The following DISC1 variants were observed in gnomAD, a reference collection of about 807,000 sequenced individuals.
The protein encoded by DISC1 is disrupted in schizophrenia 1 protein.
A neutral mutation model predicts 84.5 loss-of-function variants in DISC1; 57 were observed. The observed-to-expected ratio is 0.67, with a 90% confidence interval of 0.55 to 0.84. The LOEUF (loss-of-function observed/expected upper bound fraction) is 0.84, where lower values mean the gene tolerates loss of function less well. Ranked by LOEUF, DISC1 falls within the 40% of genes least tolerant of loss-of-function variation. The pLI, the probability that DISC1 is intolerant of heterozygous loss-of-function variation, is 0.00. For missense variants in DISC1, 1,000 were observed against 1,057.8 expected (o/e 0.95, Z 0.76); for synonymous variants, 411 against 415.2 (o/e 0.99, Z 0.12).
intron 9 of DISC1, among the ~76,000 whole-genome samples, chr1:231,861,448 A>G (rs1385322520): frequency 1.8e-5 from 2 of 108,222 alleles, no homozygotes; most frequent in African/African-American, 7.2e-5. Context: ...ATTGATTTTG[A>G]CAAGTTTTTT....
intron 3 of DISC1, among the ~76,000 whole-genome samples, chr1:231,743,678 T>TG (rs1301198002): frequency 6.6e-6 from 1 of 152,200 alleles, no homozygotes; most frequent in Non-Finnish European, 1.5e-5. Context: ...GTATTTTAAG[T>TG]GGGGTGTCTG....
intron 3 of DISC1, among the ~76,000 whole-genome samples, chr1:231,725,012 T>A (rs1173149992): frequency 6.6e-6 from 1 of 152,146 alleles, no homozygotes; most frequent in African/African-American, 2.4e-5. Context: ...ACAGGGTCAC[T>A]GTCTGTTTCC....
chr1:231,729,894 T>C (rs1436352109), intron 3 of DISC1, among the ~76,000 whole-genome samples: 1 of 152,200 alleles, frequency 6.6e-6, no homozygotes. Context: ...CACTGTGGTT[T>C]GAATTATATT....
At chr1:231,891,351 AGG>A (rs1176924733) in intron 9 of DISC1, among the ~76,000 whole-genome samples, 1 of 152,208 alleles carries the variant, frequency 6.6e-6, no homozygotes, top group Non-Finnish European at 1.5e-5. Context: ...TAGTGTTAAT[AGG>A]ATATTTGAGG....
In DISC1 at chr1:232,036,856, G is replaced by T; in HGVS notation, c.*25G>T. The T allele has an allele frequency of 6.6e-7, 1 of 1,509,176 alleles. No homozygotes were observed. Among genetic ancestry groups the T allele is most frequent in the South Asian group, 1.3e-5 (1 of 76,438 alleles). 93.5% of individuals were successfully genotyped at this position (1,509,176 alleles called of 1,614,324 possible). A position where few individuals can be genotyped will look rare whatever the true frequency, so the allele number is the denominator to read the frequency against. ...AGGAGTGACGGGATGGGGGAGGGAG[G>T]TGGGCCACCATGTTTGGACCCGGGG... On this transcript the variant is annotated 3_prime_UTR_variant, in exon 13 of 13. Coordinates refer to ENST00000439617, the MANE Select transcript of DISC1 (RefSeq NM_018662.3).
At chr1:231,984,609 C>T (rs1489395928) in intron 10 of DISC1, among the ~76,000 whole-genome samples, 1 of 152,052 alleles carries the variant, frequency 6.6e-6, no homozygotes, top group Admixed American at 6.6e-5. Flanking sequence ...ACCAGGGGTA[C>T]AAGGATGAGT....
At chr1:231,772,888 C>T (rs766472863) in intron 6 of DISC1, among the ~76,000 whole-genome samples, 5 of 152,160 alleles carry the variant, frequency 3.3e-5, no homozygotes, top group Non-Finnish European at 7.3e-5. Context: ...CTCCATGGCT[C>T]ATGCCCATGG....
chr1:231,906,988 TTC>T (rs940206584), intron 9 of DISC1, among the ~76,000 whole-genome samples: 1 of 151,802 alleles, frequency 6.6e-6, no homozygotes, highest in Non-Finnish European at 1.5e-5. Context: ...TTTCTTTCTT[TTC>T]TTTCTTTCTT....
rs36231584 is a variant in DISC1, at chr1:232,021,333, T to TACACACAC, written c.2308-5068_2308-5061dup. 4.3e-3 allele frequency among the ~76,000 whole-genome samples: 634 copies of TACACACAC among 148,236 alleles called. 5 individuals are homozygous for TACACACAC. Among genetic ancestry groups the TACACACAC allele is most frequent in the African/African-American group, 7.6e-3 (306 of 40,318 alleles). ...GGAAATTTTTACTGTACTTGTTCTA[T>TACACACAC]ACACACACACACACACACACACACA... On this transcript the variant is annotated intron_variant, in intron 11 of 12. Transcript: ENST00000439617.
At chr1:231,987,057 C>T (rs911458832) in intron 10 of DISC1, among the ~76,000 whole-genome samples, 19 of 152,238 alleles carry the variant, frequency 1.2e-4, no homozygotes, top group African/African-American at 4.1e-4. Flanking sequence ...TGAGAAAGGG[C>T]GGTTGTGCAA....
At chr1:231,840,100 C>G (rs1436689654) in intron 9 of DISC1, among the ~76,000 whole-genome samples, 2 of 152,252 alleles carry the variant, frequency 1.3e-5, no homozygotes, top group Non-Finnish European at 2.9e-5. Context: ...CATTGCACAC[C>G]TATTATAGCT....
chr1:231,666,523 T>C (rs961622647), intron 1 of DISC1, among the ~76,000 whole-genome samples: 4 of 152,144 alleles, frequency 2.6e-5, no homozygotes, highest in African/African-American at 9.7e-5. Flanking sequence ...ATACCTAATC[T>C]CATTTTTAAA....
Position 231,626,814 on chromosome 1 carries a change from G to A in DISC1, c.-54G>A. On this transcript the variant is annotated 5_prime_UTR_variant, in exon 1 of 13. Coordinates refer to ENST00000439617, the MANE Select transcript of DISC1 (RefSeq NM_018662.3). Reference sequence around the variant, plus strand: ...TCCCTTCCCCCCGCCTCTGGCCTCGGGGAAGGAGCAGGAGGCAGCCCAGGC... The same window carrying A: ...TCCCTTCCCCCCGCCTCTGGCCTCGAGGAAGGAGCAGGAGGCAGCCCAGGC... 1 of 1,334,094 alleles carries A rather than the reference G, an allele frequency of 7.5e-7. No homozygotes were observed. The highest frequency in any genetic ancestry group is 1.6e-5 in the South Asian group (1 of 62,210). 82.6% of individuals were successfully genotyped at this position (1,334,094 alleles called of 1,614,324 possible).
intron 4 of DISC1, among the ~76,000 whole-genome samples, chr1:231,761,034 G>A (rs2075612929): frequency 6.6e-6 from 1 of 152,196 alleles, no homozygotes; most frequent in Admixed American, 6.5e-5. Context: ...GCAATTTGGA[G>A]CTAATTTTTT....
At chr1:231,762,854 C>G (rs1454973498) in intron 4 of DISC1, among the ~76,000 whole-genome samples, 3 of 152,096 alleles carry the variant, frequency 2.0e-5, no homozygotes, top group Non-Finnish European at 4.4e-5. Context: ...AATTTGTTCC[C>G]CATAGTTCGC....
intron 9 of DISC1, among the ~76,000 whole-genome samples, chr1:231,930,018 A>T (rs1353783263): frequency 1.3e-5 from 2 of 152,190 alleles, no homozygotes; most frequent in Non-Finnish European, 2.9e-5. Flanking sequence ...AGCCCTGGAC[A>T]TCAAGCCTGG....
chr1:231,899,207 G>C (rs1459877962), intron 9 of DISC1, among the ~76,000 whole-genome samples: 1 of 152,136 alleles, frequency 6.6e-6, no homozygotes, highest in Non-Finnish European at 1.5e-5. Context: ...TTGGAGCTCT[G>C]GGACAGTAGC....
intron 9 of DISC1, among the ~76,000 whole-genome samples, chr1:231,894,681 G>GT (rs1406584574): frequency 6.6e-6 from 1 of 151,196 alleles, no homozygotes; most frequent in African/African-American, 2.4e-5. Context: ...ATATAATTTT[G>GT]TCTTTTTACA....
At chr1:231,717,450 A>T (rs2068916820) in intron 3 of DISC1, among the ~76,000 whole-genome samples, 1 of 152,034 alleles carries the variant, frequency 6.6e-6, no homozygotes, top group Non-Finnish European at 1.5e-5. Context: ...CTACAGTTTG[A>T]ACTGGTCAGA....
Sources: allele counts gnomAD v4.1 joint callset (sites outside exome capture counted in the v4.1 genomes callset), GRCh38; gene constraint gnomAD v4.1.1; transcripts MANE v1.5; gene names NCBI Gene and HGNC (gene_info 2026-07-23, HGNC 2026-07-21).